PLCXD3: variants seen among roughly 807,000 people sequenced by gnomAD.
PLCXD3 encodes phosphatidylinositol specific phospholipase C X domain containing 3, also known as PI-PLC X domain-containing protein 3.
A neutral mutation model predicts 25.5 loss-of-function variants in PLCXD3; 19 were observed. The observed-to-expected ratio is 0.75, with a 90% CI of 0.52 to 1.09. The LOEUF (loss-of-function observed/expected upper bound fraction) is 1.09, where lower values mean the gene tolerates loss of function less well. Ranked by LOEUF, PLCXD3 falls within the 50% of genes least tolerant of loss-of-function variation. The probability of loss-of-function intolerance (pLI) is 0.00; values close to 1 mark genes in which losing one functional copy is unlikely to be tolerated. For missense variants in PLCXD3, 411 were observed against 388.1 expected, an observed-to-expected ratio of 1.06 and a Z score of -0.50; for synonymous variants, 174 against 137.6, an observed-to-expected ratio of 1.26 and a Z score of -1.85.
At chr5:41,424,756 T>A (rs184495320) in intron 1 of PLCXD3, among the ~76,000 whole-genome samples, 2 of 152,340 alleles carry the variant, frequency 1.3e-5, no homozygotes, top group East Asian at 3.9e-4. Context: ...TTACTTAGTA[T>A]TTGTTGAGAT....
At chr5:41,416,106 C>A (rs1272506268) in intron 1 of PLCXD3, among the ~76,000 whole-genome samples, 1 of 152,158 alleles carries the variant, frequency 6.6e-6, no homozygotes, top group Non-Finnish European at 1.5e-5. Context: ...GAATAAATAA[C>A]CTGACATCAC....
chr5:41,393,454 T>G (rs150497376), intron 1 of PLCXD3, among the ~76,000 whole-genome samples: 1 of 152,138 alleles, frequency 6.6e-6, no homozygotes, highest in African/African-American at 2.4e-5. Context: ...CCTAGAATAG[T>G]ATATCTGGCA....
At chr5:41,428,609 C>A (rs1218849672) in intron 1 of PLCXD3, among the ~76,000 whole-genome samples, 1 of 152,070 alleles carries the variant, frequency 6.6e-6, no homozygotes, top group Admixed American at 6.6e-5. Context: ...AAATAAATTT[C>A]TGTTTTAAAG....
chr5:41,488,144 A>G (rs1317249649), intron 1 of PLCXD3, among the ~76,000 whole-genome samples: 2 of 146,952 alleles, frequency 1.4e-5, no homozygotes, highest in African/African-American at 2.5e-5. Context: ...CTCATTGTTC[A>G]ATTCCCACCT....
At position 41,382,311 on chromosome 5, in the gene PLCXD3, T is replaced by C; in HGVS notation, c.327A>G (p.Glu109=). Residue 109 remains glutamate (E), a synonymous_variant, in exon 2 of 3, where the codon GAA becomes GAG. Transcript: ENST00000377801. ...ISTKPRDPDN[E]LYFAHGLFSA... is the part of the protein sequence containing the mutation. ...TGAACAAACCATGAGCAAAATAGAG[T>C]TCATTGTCGGGGTCTCTGGGCTTGG... The C allele has an allele frequency of 6.2e-7, 1 of 1,613,396 alleles. No homozygotes were observed. The highest frequency in any genetic ancestry group is 2.2e-5 in the East Asian group (1 of 44,816).
chr5:41,416,374 G>A (rs1746695603), intron 1 of PLCXD3, among the ~76,000 whole-genome samples: 1 of 152,164 alleles, frequency 6.6e-6, no homozygotes, highest in South Asian at 2.1e-4. Context: ...AATGAATTGA[G>A]CTAAGTTTAA....
At position 41,381,796 on chromosome 5, in the gene PLCXD3, G is replaced by A. The variant is rs757425514; in HGVS notation, c.812+30C>T. On this transcript the variant is annotated intron_variant, in intron 2 of 2. Coordinates refer to ENST00000377801, the MANE Select transcript of PLCXD3 (RefSeq NM_001005473.3). ...ATAAATTCAAGTTAAATTATTTGAG[G>A]TTTCCCCCTGACATTTTAAAGACAC... The A allele has an allele frequency of 5.4e-6, 8 of 1,472,876 alleles. No homozygotes were observed. In the South Asian group the frequency reaches 1.0e-4, roughly 19 times the overall value. 91.2% of individuals were successfully genotyped at this position (1,472,876 alleles called of 1,614,324 possible). A position where few individuals can be genotyped will look rare whatever the true frequency, so the allele number is the denominator to read the frequency against.
chr5:41,452,396 C>T (rs975919215), intron 1 of PLCXD3, among the ~76,000 whole-genome samples: 2 of 152,004 alleles, frequency 1.3e-5, no homozygotes, highest in African/African-American at 4.8e-5. Context: ...GTGATCTAAA[C>T]TTTATAAGCA....
chr5:41,402,982 A>C (rs1746231232), intron 1 of PLCXD3, among the ~76,000 whole-genome samples: 1 of 152,048 alleles, frequency 6.6e-6, no homozygotes, highest in Admixed American at 6.6e-5. Context: ...TTCAATTGTA[A>C]TCCATTAACA....
At chr5:41,316,220 C>T (rs766383408) in intron 2 of PLCXD3, among the ~76,000 whole-genome samples, 5 of 152,130 alleles carry the variant, frequency 3.3e-5, no homozygotes, top group Non-Finnish European at 7.3e-5. Flanking sequence ...CCGTTCCAGG[C>T]CCTAGCTCCC....
chr5:41,479,462 G>A (rs1385242461), intron 1 of PLCXD3, among the ~76,000 whole-genome samples: 3 of 152,038 alleles, frequency 2.0e-5, no homozygotes, highest in African/African-American at 4.8e-5. Flanking sequence ...AGAATTGTAT[G>A]CCTAAAATCG....
At chr5:41,450,751 A>G (rs1747610266) in intron 1 of PLCXD3, among the ~76,000 whole-genome samples, 1 of 152,114 alleles carries the variant, frequency 6.6e-6, no homozygotes, top group Non-Finnish European at 1.5e-5. Flanking sequence ...TACCACCTGC[A>G]GGTCCTTCTC....
intron 1 of PLCXD3, among the ~76,000 whole-genome samples, chr5:41,476,610 G>A (rs532951339): frequency 6.6e-6 from 1 of 152,308 alleles, no homozygotes; most frequent in Admixed American, 6.5e-5. Context: ...TTGGAAGCTT[G>A]CACCTGTCTT....
intron 1 of PLCXD3, among the ~76,000 whole-genome samples, chr5:41,506,951 A>C (rs1195633302): frequency 6.7e-6 from 1 of 150,144 alleles, no homozygotes; most frequent in Non-Finnish European, 1.5e-5. Context: ...AGTTTGCTAC[A>C]CTATATGAAA....
chr5:41,381,854 T>C lies in PLCXD3; in HGVS notation c.784A>G (p.Ser262Gly), dbSNP rs775985595. 1 of 1,610,682 alleles carries C rather than the reference T, an allele frequency of 6.2e-7. No homozygotes were observed. The highest frequency in any genetic ancestry group is 8.5e-7 in the Non-Finnish European group (1 of 1,178,762). ...KASTVVKGVA[S>G]GLRETITERA... is the part of the protein sequence containing the mutation. ...TCTGTGATTGTTTCTCTGAGGCCAC[T>C]TGCCACCCCTTTGACCACAGTGCTA... Residue 262 changes from serine to glycine, a missense_variant, in exon 2 of 3, where the codon AGT becomes GGT. By Grantham distance (56) the Ser-to-Gly change is moderately conservative. Transcript: ENST00000377801.
chr5:41,493,893 T>C (rs562596972), intron 1 of PLCXD3, among the ~76,000 whole-genome samples: 1 of 152,322 alleles, frequency 6.6e-6, no homozygotes, highest in African/African-American at 2.4e-5. Context: ...ACTTCCTGAG[T>C]CAGACAATGC....
Position 41,410,911 on chromosome 5 carries a change from TC to T in PLCXD3, c.104-28378del, listed in dbSNP as rs566065805. Among the ~76,000 whole-genome samples the T allele has an allele frequency of 3.3e-5, 5 of 152,296 alleles. No homozygotes were observed. The South Asian group carries it at 1.0e-3, about 32-fold the overall frequency. On this transcript the variant is annotated intron_variant, in intron 1 of 2. Transcript: ENST00000377801. Reference sequence around the variant, plus strand: ...TTATGCCACCTTCTCCCCCGATTTCTCCACTGGAGCCTCCTGGTGGTGGCAG... The same window carrying T: ...TTATGCCACCTTCTCCCCCGATTTCTCACTGGAGCCTCCTGGTGGTGGCAG...
intron 1 of PLCXD3, among the ~76,000 whole-genome samples, chr5:41,454,479 G>C (rs1747707305): frequency 6.6e-6 from 1 of 151,976 alleles, no homozygotes; most frequent in Non-Finnish European, 1.5e-5. Context: ...TTTTATAAGA[G>C]TGCTAATCCC....
intron 1 of PLCXD3, among the ~76,000 whole-genome samples, 198 bp from the exon 2 acceptor site, chr5:41,382,732 A>G (rs1384131482): frequency 6.6e-6 from 1 of 152,154 alleles, no homozygotes; most frequent in East Asian, 1.9e-4. Flanking sequence ...TCAATAGATC[A>G]AATTGGTTAT....
Sources: gnomAD v4.1 joint callset for allele counts (sites outside exome capture counted in the v4.1 genomes callset) on GRCh38, gnomAD v4.1.1 for gene constraint, MANE v1.5 for transcripts, NCBI Gene and HGNC (gene_info 2026-07-23, HGNC 2026-07-21) for gene names.